Variants in TBCK observed in about 807,000 individuals in gnomAD.
TBCK encodes TBC1 domain containing kinase.
In TBCK, 99 loss-of-function variants were observed where a neutral mutation model predicts 113.4. The observed-to-expected ratio is 0.87, with a 90% CI of 0.74 to 1.03. TBCK has a LOEUF of 1.03. TBCK is among the 50% of genes least tolerant of loss of function. The pLI is 0.00. For missense variants in TBCK, 1,045 were observed against 1,061.3 expected, an observed-to-expected ratio of 0.98 and a Z score of 0.21; for synonymous variants, 369 against 370.8, an observed-to-expected ratio of 1.00 and a Z score of 0.05.
rs1013539255 is a variant in TBCK, at chr4:106,213,479, G to C, written c.1775-644C>G. On this transcript the variant is annotated intron_variant, in intron 19 of 25. Coordinates refer to ENST00000394708, the MANE Select transcript of TBCK (RefSeq NM_001163435.3). ...TACCGGGTTCATCTCACTAGGGAGTGACAGACAGTGGGCGCAGGCAAGTGG... is the reference window on the plus strand; with the variant it reads ...TACCGGGTTCATCTCACTAGGGAGTCACAGACAGTGGGCGCAGGCAAGTGG... 12 of 163,142 alleles carry C rather than the reference G, an allele frequency of 7.4e-5. No homozygotes were observed. In the South Asian group the frequency reaches 1.4e-3, roughly 18 times the overall value. 10.1% of individuals were successfully genotyped at this position (163,142 alleles called of 1,614,324 possible).
At chr4:106,100,998 C>T (rs564686308) in intron 24 of TBCK, among the ~76,000 whole-genome samples, 1 of 152,280 alleles carries the variant, frequency 6.6e-6, no homozygotes, top group Non-Finnish European at 1.5e-5. Context: ...GGTGCCCATC[C>T]TATATTTCCA....
intron 24 of TBCK, among the ~76,000 whole-genome samples, chr4:106,105,723 C>T (rs1430199798): frequency 1.3e-5 from 2 of 152,224 alleles, no homozygotes; most frequent in Non-Finnish European, 2.9e-5. Flanking sequence ...AAATACTCAT[C>T]CCAGTGAAAA....
intron 24 of TBCK, among the ~76,000 whole-genome samples, chr4:106,105,156 C>T (rs558741575): frequency 2.6e-5 from 4 of 152,360 alleles, no homozygotes; most frequent in Admixed American, 6.5e-5. Flanking sequence ...ATACCTCCAA[C>T]AAGCTGCAGT....
intron 9 of TBCK, 138 bp from the exon 10 acceptor site, chr4:106,247,425 G>A: frequency 1.4e-6 from 1 of 695,028 alleles, no homozygotes. Flanking sequence ...CTTTTGCAGA[G>A]TCTAGATGCA....
Position 106,171,781 on chromosome 4 carries a change from T to C in TBCK, c.2060-511A>G, listed in dbSNP as rs373053554. ...AGTTTTACTGCCATTAAATAAGATA[T>C]AAAATTATCAGAAAAAATTTTTCAG... On this transcript the variant is annotated intron_variant, in intron 22 of 25. Transcript: ENST00000394708. Among the ~76,000 whole-genome samples the C allele has an allele frequency of 1.3e-4, 20 of 152,228 alleles. 1 individual carries two copies. In the South Asian group the frequency reaches 3.7e-3, roughly 28 times the overall value.
rs183704994 is a variant in TBCK at position 106,181,868 on chromosome 4, T to C, written c.2060-10598A>G. 3.9e-3 allele frequency among the ~76,000 whole-genome samples: 590 copies of C among 152,306 alleles called. 5 individuals are homozygous for C. The highest frequency in any genetic ancestry group is 0.014 in the African/African-American group (562 of 41,572). ...CTATGTGGGCTCTTTTTTGGTTCCA[T>C]ATGAAGTTTAAAGTAGTTTTTTCCA... is the stretch of plus-strand genomic sequence containing the variant. On this transcript the variant is annotated intron_variant, in intron 22 of 25. Coordinates refer to ENST00000394708, the MANE Select transcript of TBCK (RefSeq NM_001163435.3).
chr4:106,154,932 T>C (rs968090951), intron 23 of TBCK, among the ~76,000 whole-genome samples: 8 of 152,070 alleles, frequency 5.3e-5, no homozygotes, highest in African/African-American at 1.9e-4. Context: ...TCTGTGTTTT[T>C]CTGTGTACTA....
intron 23 of TBCK, among the ~76,000 whole-genome samples, chr4:106,133,215 T>C (rs568821641): frequency 5.9e-5 from 9 of 152,248 alleles, no homozygotes; most frequent in East Asian, 3.9e-4. Context: ...GTGGAAATAA[T>C]TGAATCATGG....
intron 22 of TBCK, among the ~76,000 whole-genome samples, chr4:106,180,949 A>G (rs1233502818): frequency 6.6e-6 from 1 of 151,850 alleles, no homozygotes; most frequent in African/African-American, 2.4e-5. Context: ...TCCTTGAGGA[A>G]TCGCCACAAT....
At chr4:106,084,319 C>T (rs1218145224) in intron 25 of TBCK, among the ~76,000 whole-genome samples, 2 of 151,824 alleles carry the variant, frequency 1.3e-5, no homozygotes, top group Non-Finnish European at 2.9e-5. Context: ...AAACTGACCA[C>T]ATGGAAGAAA....
intron 3 of TBCK, among the ~76,000 whole-genome samples, chr4:106,288,716 T>C (rs1427073287): frequency 6.6e-6 from 1 of 152,244 alleles, no homozygotes; most frequent in Non-Finnish European, 1.5e-5. Flanking sequence ...AGTAGCTCTT[T>C]CTTTTTCATT....
At chr4:106,219,494 T>C (rs1252855173) in intron 19 of TBCK, among the ~76,000 whole-genome samples, 1 of 152,074 alleles carries the variant, frequency 6.6e-6, no homozygotes, top group African/African-American at 2.4e-5. Flanking sequence ...TATATTTTGT[T>C]GATTCTAATT....
chr4:106,231,784 C>A lies in TBCK; in HGVS notation c.1640-5G>T, dbSNP rs759945282. 16 of 1,608,714 alleles carry A rather than the reference C, an allele frequency of 9.9e-6. No homozygotes were observed. The highest frequency in any genetic ancestry group is 3.3e-4 in the Middle Eastern group (2 of 6,008). The stretch of plus-strand genomic sequence containing the variant: ...GAGCACAAAGTGAGTCAAGACCTAA[C>A]ACAGAGGGGTTGGGAGAAAGAAGTC... On this transcript the variant is annotated splice_region_variant and splice_polypyrimidine_tract_variant and intron_variant, in intron 17 of 25. Coordinates refer to ENST00000394708, the MANE Select transcript of TBCK (RefSeq NM_001163435.3).
intron 22 of TBCK, among the ~76,000 whole-genome samples, chr4:106,180,047 TAC>T (rs1752156205): frequency 6.6e-6 from 1 of 152,038 alleles, no homozygotes; most frequent in Admixed American, 6.6e-5. Context: ...CTGATATATG[TAC>T]AGTTGCTTCA....
At chr4:106,102,876 G>A (rs1018022674) in intron 24 of TBCK, among the ~76,000 whole-genome samples, 6 of 152,042 alleles carry the variant, frequency 3.9e-5, no homozygotes, top group Non-Finnish European at 7.4e-5. Context: ...CGGCAAGAGA[G>A]AAATAAAACT....
chr4:106,257,087 C>G (rs1249968338), intron 5 of TBCK, among the ~76,000 whole-genome samples: 2 of 151,936 alleles, frequency 1.3e-5, no homozygotes, highest in Non-Finnish European at 2.9e-5. Context: ...GATGGCCTTA[C>G]AAACAACAAT....
intron 22 of TBCK, among the ~76,000 whole-genome samples, chr4:106,174,138 C>T (rs1461004854): frequency 6.6e-6 from 1 of 152,038 alleles, no homozygotes; most frequent in Admixed American, 6.6e-5. Context: ...CTATAAATTC[C>T]TTCTGAAATT....
intron 24 of TBCK, among the ~76,000 whole-genome samples, chr4:106,100,159 T>G (rs969582787): frequency 2.0e-5 from 3 of 152,210 alleles, no homozygotes; most frequent in Non-Finnish European, 4.4e-5. Flanking sequence ...TGATTTTATA[T>G]AAAATTTTCT....
intron 3 of TBCK, among the ~76,000 whole-genome samples, chr4:106,273,802 C>A (rs1470305889): frequency 6.6e-6 from 1 of 152,226 alleles, no homozygotes. Context: ...TGTGACCCTG[C>A]CAACACAGTA....
Sources: gnomAD v4.1 joint callset for allele counts (sites outside exome capture counted in the v4.1 genomes callset) on GRCh38, gnomAD v4.1.1 for gene constraint, MANE v1.5 for transcripts, NCBI Gene and HGNC (gene_info 2026-07-23, HGNC 2026-07-21) for gene names.